The following EPHA5 variants were observed in gnomAD, a reference collection of about 807,000 sequenced individuals.
EPHA5 encodes ephrin type-A receptor 5.
A neutral mutation model predicts 105.0 loss-of-function variants in EPHA5; 60 were observed. The ratio of observed to expected loss-of-function variants is 0.57; its 90% CI spans 0.46 to 0.71. EPHA5 has a LOEUF of 0.71. Ranked by LOEUF, EPHA5 falls within the 30% of genes least tolerant of loss-of-function variation. The pLI, the probability that EPHA5 is intolerant of heterozygous loss-of-function variation, is 0.00. For synonymous variants in EPHA5, 513 were observed against 449.1 expected (o/e 1.14, Z -1.80); for missense variants, 1,218 against 1,274.7 (o/e 0.96, Z 0.68).
intron 3 of EPHA5, among the ~76,000 whole-genome samples, chr4:65,504,381 T>C (rs960014056): frequency 2.0e-5 from 3 of 149,964 alleles, no homozygotes; most frequent in Non-Finnish European, 3.0e-5. Context: ...TATATATATA[T>C]AGATAGAACA....
intron 2 of EPHA5, among the ~76,000 whole-genome samples, chr4:65,627,190 G>A (rs1746230757): frequency 6.6e-6 from 1 of 152,142 alleles, no homozygotes; most frequent in African/African-American, 2.4e-5. Flanking sequence ...ACTGCATTCA[G>A]AAAGGTTTTA....
rs2149438071 is a variant in EPHA5, at chr4:65,601,809, T to C, written c.742A>G (p.Thr248Ala). 6.2e-7 allele frequency: 1 copy of C among 1,614,122 alleles called. No individual in the cohort carries two copies. Among genetic ancestry groups the C allele is most frequent in the Non-Finnish European group, 8.5e-7 (1 of 1,180,010 alleles). Residue 248 changes from threonine to alanine, a missense_variant, in exon 3 of 17, where the codon ACT becomes GCT. Physicochemically the swap from Thr to Ala is moderately conservative, Grantham distance 58 (BLOSUM62 0). This residue lies in a region of EPHA5 where 971 missense variants were observed against 1,013.5 expected (regional missense o/e 0.96). Coordinates refer to ENST00000613740, the MANE Select transcript of EPHA5 (RefSeq NM_001281766.3). ...RHLAVFPDTI[T>A]GADSSQLLEV... ...AGCAATTGGGAAGAATCAGCTCCAGTGATGGTGTCAGGGAAGACAGCCAAG... is the reference window on the plus strand; with the variant it reads ...AGCAATTGGGAAGAATCAGCTCCAGCGATGGTGTCAGGGAAGACAGCCAAG...
intron 1 of EPHA5, among the ~76,000 whole-genome samples, chr4:65,648,036 T>C (rs1425500310): frequency 2.0e-5 from 3 of 152,202 alleles, no homozygotes; most frequent in Non-Finnish European, 4.4e-5. Flanking sequence ...ACATTAACAA[T>C]TTCAATGCTT....
intron 8 of EPHA5, among the ~76,000 whole-genome samples, chr4:65,376,264 A>G (rs1560469293): frequency 6.6e-6 from 1 of 152,050 alleles, no homozygotes; most frequent in Non-Finnish European, 1.5e-5. Context: ...GATTTAGGCT[A>G]TTGAGTCTAG....
At chr4:65,665,218 G>A (rs187966408) in intron 1 of EPHA5, among the ~76,000 whole-genome samples, 1 of 151,876 alleles carries the variant, frequency 6.6e-6, no homozygotes, top group African/African-American at 2.4e-5. Flanking sequence ...GTCAAAGGTA[G>A]AAAGGTTTCT....
chr4:65,367,502 A>C, intron 8 of EPHA5, 78 bp from the exon 9 acceptor site: 1 of 1,348,998 alleles, frequency 7.4e-7, no homozygotes, highest in Non-Finnish European at 1.1e-6. Context: ...CATGAAGCAC[A>C]ACTGAAATTA....
At chr4:65,375,387 T>G (rs895446497) in intron 8 of EPHA5, among the ~76,000 whole-genome samples, 1 of 151,896 alleles carries the variant, frequency 6.6e-6, no homozygotes, top group African/African-American at 2.4e-5. Context: ...AAGAAAGATA[T>G]TGTCATCTTC....
intron 8 of EPHA5, among the ~76,000 whole-genome samples, chr4:65,378,741 T>A (rs1291762877): frequency 6.6e-6 from 1 of 151,938 alleles, no homozygotes; most frequent in Admixed American, 6.6e-5. Context: ...CTGCTAGTTT[T>A]CTGAGATGAG....
chr4:65,443,017 C>G (rs760273757), intron 5 of EPHA5, among the ~76,000 whole-genome samples: 1 of 152,086 alleles, frequency 6.6e-6, no homozygotes. Context: ...TTTGAACAAA[C>G]TATATATTCT....
At chr4:65,538,269 A>G (rs891773013) in intron 3 of EPHA5, among the ~76,000 whole-genome samples, 2 of 151,842 alleles carry the variant, frequency 1.3e-5, no homozygotes, top group Admixed American at 6.6e-5. Context: ...TAATATTTAA[A>G]TATTAGAAAA....
intron 5 of EPHA5, among the ~76,000 whole-genome samples, chr4:65,427,133 G>A (rs1051309618): frequency 4.7e-5 from 7 of 150,446 alleles, no homozygotes; most frequent in African/African-American, 1.7e-4. Flanking sequence ...TATATATAGA[G>A]AGACAATTAT....
chr4:65,580,741 C>G (rs1375874313), intron 3 of EPHA5, among the ~76,000 whole-genome samples: 1 of 151,552 alleles, frequency 6.6e-6, no homozygotes, highest in Non-Finnish European at 1.5e-5. Context: ...GACTTCAGAC[C>G]CTTATCAGCC....
At chr4:65,408,312 C>G (rs572677780) in intron 7 of EPHA5, among the ~76,000 whole-genome samples, 5 of 151,832 alleles carry the variant, frequency 3.3e-5, no homozygotes, top group South Asian at 2.1e-4. Flanking sequence ...AGATATATAC[C>G]TTTAGTTATG....
At position 65,503,419 on chromosome 4, in the gene EPHA5, T is replaced by C. The variant is rs1370076024; in HGVS notation, c.911-7876A>G. Among the ~76,000 whole-genome samples the C allele has an allele frequency of 2.6e-5, 4 of 151,830 alleles. No individual in the cohort carries two copies. The East Asian group carries it at 7.8e-4, about 29-fold the overall frequency. ...AATAATATCAAACAGAAACAGGAAA[T>C]AGGTCCTACTTGAGAATCTAGGGTT... On this transcript the variant is annotated intron_variant, in intron 3 of 16. Transcript: ENST00000613740.
rs1422576221 is a variant in EPHA5 at position 65,320,458 on chromosome 4, T to C, written c.*3656A>G. 8.7e-6 allele frequency: 2 copies of C among 229,266 alleles called. No individual in the cohort carries two copies. Among genetic ancestry groups the C allele is most frequent in the African/African-American group, 4.4e-5 (2 of 45,070 alleles). 14.2% of individuals were successfully genotyped at this position (229,266 alleles called of 1,614,324 possible). A position where few individuals can be genotyped will look rare whatever the true frequency, so the allele number is the denominator to read the frequency against. ...TCACACTTCTTTTTTTTCTTATTTT[T>C]AGGAAAAACAAAATGAGAAAGGGAC... is the stretch of plus-strand genomic sequence containing the variant. On this transcript the variant is annotated 3_prime_UTR_variant, in exon 17 of 17. Coordinates refer to ENST00000613740, the MANE Select transcript of EPHA5 (RefSeq NM_001281766.3).
At chr4:65,575,890 T>C (rs1481859629) in intron 3 of EPHA5, among the ~76,000 whole-genome samples, 2 of 150,774 alleles carry the variant, frequency 1.3e-5, no homozygotes, top group African/African-American at 4.9e-5. Context: ...GGCAGGAGAA[T>C]TGCTTGAACC....
intron 8 of EPHA5, among the ~76,000 whole-genome samples, chr4:65,395,749 C>A (rs1721166014): frequency 6.6e-6 from 1 of 152,104 alleles, no homozygotes; most frequent in Non-Finnish European, 1.5e-5. Flanking sequence ...ACTGGTTGGC[C>A]AGAAAATATA....
At chr4:65,405,757 A>G (rs1415353431) in intron 7 of EPHA5, among the ~76,000 whole-genome samples, 1 of 152,114 alleles carries the variant, frequency 6.6e-6, no homozygotes, top group East Asian at 1.9e-4. Context: ...GCTAAGGTCT[A>G]TGGTAAGAAA....
At chr4:65,578,577 A>C (rs1297031404) in intron 3 of EPHA5, among the ~76,000 whole-genome samples, 1 of 152,214 alleles carries the variant, frequency 6.6e-6, no homozygotes, top group East Asian at 1.9e-4. Flanking sequence ...AAACTTGTGA[A>C]GACTTCTACT....
Sources: allele counts gnomAD v4.1 joint callset (sites outside exome capture counted in the v4.1 genomes callset), GRCh38; gene constraint gnomAD v4.1.1; regional missense constraint gnomAD v4.1.1; transcripts MANE v1.5; gene names NCBI Gene and HGNC (gene_info 2026-07-23, HGNC 2026-07-21).